DAB1: variants seen among roughly 807,000 people sequenced by gnomAD.
The protein encoded by DAB1 is disabled homolog 1.
A neutral mutation model predicts 64.6 loss-of-function variants in DAB1; 15 were observed. That is an observed-to-expected ratio of 0.23 (90% CI 0.16 to 0.36). DAB1 has a LOEUF of 0.36. Ranked by LOEUF, DAB1 falls within the 10% of genes least tolerant of loss-of-function variation. The pLI, the probability that DAB1 is intolerant of heterozygous loss-of-function variation, is 1.00. For synonymous variants in DAB1, 235 were observed against 251.9 expected (o/e 0.93, Z 0.64); for missense variants, 596 against 706.7 (o/e 0.84, Z 1.78).
At chr1:57,292,532 C>G (rs1413291599) in intron 1 of DAB1, among the ~76,000 whole-genome samples, 3 of 152,144 alleles carry the variant, frequency 2.0e-5, no homozygotes, top group African/African-American at 7.2e-5. Flanking sequence ...TACCTTGTCA[C>G]CAGCACCCAC....
intron 7 of DAB1, among the ~76,000 whole-genome samples, chr1:57,536,239 G>T (rs1644725951): frequency 6.6e-6 from 1 of 152,178 alleles, no homozygotes; most frequent in Non-Finnish European, 1.5e-5. Flanking sequence ...GTTGGTCTCT[G>T]AACTTGATGT....
At chr1:58,078,832 G>C (rs1649808761) in intron 5 of DAB1, among the ~76,000 whole-genome samples, 1 of 152,118 alleles carries the variant, frequency 6.6e-6, no homozygotes, top group Non-Finnish European at 1.5e-5. Context: ...GAAAAAACAG[G>C]TTCCTTTCAT....
chr1:57,764,591 C>G (rs1569611851), intron 6 of DAB1, among the ~76,000 whole-genome samples: 1 of 152,134 alleles, frequency 6.6e-6, no homozygotes, highest in African/African-American at 2.4e-5. Flanking sequence ...GTCCTCCTAC[C>G]CTTCCCAGCC....
At chr1:58,504,786 T>G (rs930166769) in intron 3 of DAB1, among the ~76,000 whole-genome samples, 1 of 152,230 alleles carries the variant, frequency 6.6e-6, no homozygotes, top group South Asian at 2.1e-4. Flanking sequence ...ATTTTTCTTA[T>G]GATAAATCAT....
At chr1:57,592,899 T>C (rs1320290176) in intron 7 of DAB1, among the ~76,000 whole-genome samples, 1 of 152,174 alleles carries the variant, frequency 6.6e-6, no homozygotes, top group Non-Finnish European at 1.5e-5. Flanking sequence ...GGTACTCTTC[T>C]GACCTCATTT....
At chr1:57,445,644 A>G (rs1686111614) in intron 7 of DAB1, among the ~76,000 whole-genome samples, 1 of 152,242 alleles carries the variant, frequency 6.6e-6, no homozygotes, top group Admixed American at 6.5e-5. Context: ...AAGAGAGAAT[A>G]TCGACATTAG....
intron 1 of DAB1, among the ~76,000 whole-genome samples, chr1:57,298,490 G>C (rs1193489800): frequency 6.6e-6 from 1 of 152,126 alleles, no homozygotes; most frequent in Non-Finnish European, 1.5e-5. Context: ...CTGATAGATT[G>C]ACAGCCTTGG....
chr1:57,784,953 C>A (rs549610017), intron 6 of DAB1, among the ~76,000 whole-genome samples: 4 of 152,272 alleles, frequency 2.6e-5, no homozygotes, highest in Admixed American at 1.3e-4. Flanking sequence ...GAAGTCAATG[C>A]TTGGCTTTAA....
intron 2 of DAB1, among the ~76,000 whole-genome samples, chr1:57,281,131 T>C (rs1410302510): frequency 6.6e-6 from 1 of 152,200 alleles, no homozygotes; most frequent in Non-Finnish European, 1.5e-5. Flanking sequence ...TTTTCAACAC[T>C]GTCCTTAGTG....
Position 58,133,039 on chromosome 1 carries a change from A to G in DAB1, n.387+17472T>C, listed in dbSNP as rs1653729558. ...TTTACATACAAAAAGCTGACAGATC[A>G]TTATCAGTTATTTCTTAAAAACTGA... On this transcript the variant is annotated intron_variant and non_coding_transcript_variant, in intron 5 of 20. Coordinates refer to the DAB1 transcript ENST00000485760. Among the ~76,000 whole-genome samples the G allele has an allele frequency of 2.6e-5, 4 of 152,280 alleles. No homozygotes were observed. The Middle Eastern group carries it at 0.01, about 388-fold the overall frequency.
chr1:58,182,580 T>G (rs1360057719), intron 4 of DAB1, among the ~76,000 whole-genome samples: 2 of 151,998 alleles, frequency 1.3e-5, no homozygotes, highest in South Asian at 4.1e-4. Context: ...TTGAGCCCCT[T>G]GAGTAAATTT....
rs544900015 is a variant in DAB1 at position 58,471,328 on chromosome 1, G to A, written n.257+34732C>T. 1.4e-3 allele frequency among the ~76,000 whole-genome samples: 208 copies of A among 152,266 alleles called. 2 individuals carry two copies. Among genetic ancestry groups the A allele is most frequent in the Middle Eastern group, 0.01 (3 of 294 alleles). ...CTGTGGCCTCTCTCTTCTCAGGGAG[G>A]AAAATATTCACTATCCTTGGAAAGT... On this transcript the variant is annotated intron_variant and non_coding_transcript_variant, in intron 3 of 20. Coordinates refer to the DAB1 transcript ENST00000485760.
At chr1:57,667,708 G>A (rs980589212) in intron 6 of DAB1, among the ~76,000 whole-genome samples, 3 of 152,010 alleles carry the variant, frequency 2.0e-5, no homozygotes, top group Non-Finnish European at 4.4e-5. Flanking sequence ...AAAAAAGAAT[G>A]AGATCATGTC....
chr1:57,889,583 A>G (rs1229450261), intron 5 of DAB1, among the ~76,000 whole-genome samples: 3 of 152,232 alleles, frequency 2.0e-5, no homozygotes, highest in African/African-American at 7.2e-5. Flanking sequence ...TGACTACAGC[A>G]AAGTCTTGGT....
At chr1:57,545,560 C>T (rs530652905) in intron 7 of DAB1, among the ~76,000 whole-genome samples, 71 of 152,302 alleles carry the variant, frequency 4.7e-4, no homozygotes, top group African/African-American at 1.6e-3. Flanking sequence ...GGGCTCAAGG[C>T]CCTGGTTCCT....
At chr1:57,460,590 A>G (rs2101177933) in intron 7 of DAB1, among the ~76,000 whole-genome samples, 1 of 152,320 alleles carries the variant, frequency 6.6e-6, no homozygotes, top group South Asian at 2.1e-4. Context: ...CAAAGCTCCG[A>G]GTGATCATCT....
intron 1 of DAB1, among the ~76,000 whole-genome samples, chr1:57,348,224 G>T (rs577340491): frequency 6.6e-6 from 1 of 152,220 alleles, no homozygotes; most frequent in Non-Finnish European, 1.5e-5. Flanking sequence ...GCAAACACTT[G>T]TCCCTGCCCC....
At chr1:58,016,761 G>A (rs1391117026) in intron 5 of DAB1, among the ~76,000 whole-genome samples, 1 of 152,086 alleles carries the variant, frequency 6.6e-6, no homozygotes, top group Non-Finnish European at 1.5e-5. Context: ...TCTGTAATAA[G>A]CTATGTACTA....
At chr1:57,004,296 A>G (rs966870253) in intron 14 of DAB1, among the ~76,000 whole-genome samples, 1 of 152,210 alleles carries the variant, frequency 6.6e-6, no homozygotes, top group African/African-American at 2.4e-5. Flanking sequence ...ACGCTCTTGG[A>G]AGCTACCTAA....
Sources: allele counts gnomAD v4.1 joint callset (sites outside exome capture counted in the v4.1 genomes callset), GRCh38; gene constraint gnomAD v4.1.1; transcripts MANE v1.5; gene names NCBI Gene and HGNC (gene_info 2026-07-23, HGNC 2026-07-21).